The following ASAP1 variants were observed in gnomAD, a reference collection of about 807,000 sequenced individuals.
The protein encoded by ASAP1 is arf-GAP with SH3 domain, ANK repeat and PH domain-containing protein 1.
Under a neutral mutation model 145.2 loss-of-function variants are expected in ASAP1, and 43 were observed. The observed-to-expected ratio is 0.30, with a 90% confidence interval of 0.23 to 0.38. The LOEUF (loss-of-function observed/expected upper bound fraction) is 0.38, where lower values mean the gene tolerates loss of function less well. Among genes scored for constraint, ASAP1 ranks in the 10% least tolerant of loss-of-function variants. The pLI is 1.00. For missense variants in ASAP1, 1,018 were observed against 1,355.3 expected (o/e 0.75, Z 3.91); for synonymous variants, 546 against 515.5 (o/e 1.06, Z -0.80).
intron 1 of ASAP1, among the ~76,000 whole-genome samples, chr8:130,434,113 C>G (rs186701168): frequency 6.6e-6 from 1 of 152,134 alleles, no homozygotes; most frequent in African/African-American, 2.4e-5. Flanking sequence ...TCCAGGAGTT[C>G]GAGACCAACT....
chr8:130,280,670 G>C (rs189484977), intron 3 of ASAP1, among the ~76,000 whole-genome samples: 2 of 152,218 alleles, frequency 1.3e-5, no homozygotes. Context: ...CTATTAGAGA[G>C]TGAAAATTTG....
intron 11 of ASAP1, among the ~76,000 whole-genome samples, chr8:130,165,354 C>A (rs780504188): frequency 1.1e-3 from 165 of 152,090 alleles, no homozygotes; most frequent in Admixed American, 5.1e-3. Flanking sequence ...AACAAAAAAA[C>A]CCCAAAAAAC....
intron 1 of ASAP1, among the ~76,000 whole-genome samples, chr8:130,435,806 A>G (rs1035769575): frequency 6.6e-6 from 1 of 152,230 alleles, no homozygotes; most frequent in Non-Finnish European, 1.5e-5. Flanking sequence ...TAAGGAAAAA[A>G]GGCTTCCGTG....
At chr8:130,420,260 AC>A (rs1406576700) in intron 1 of ASAP1, among the ~76,000 whole-genome samples, 1 of 150,690 alleles carries the variant, frequency 6.6e-6, no homozygotes, top group Non-Finnish European at 1.5e-5. Context: ...ACACACACAC[AC>A]ACACACACAC....
intron 3 of ASAP1, among the ~76,000 whole-genome samples, chr8:130,263,602 A>C (rs896501312): frequency 3.9e-5 from 6 of 152,162 alleles, no homozygotes; most frequent in African/African-American, 1.2e-4. Flanking sequence ...AGGGAGCCTA[A>C]CTGAAATGGT....
intron 4 of ASAP1, 95 bp from the exon 5 acceptor site, chr8:130,214,796 G>T: frequency 9.1e-7 from 1 of 1,093,220 alleles, no homozygotes. Context: ...TCTCAAAATG[G>T]AAGCATAAAC....
chr8:130,056,327 T>C (rs1045731727), intron 29 of ASAP1, among the ~76,000 whole-genome samples: 1 of 152,212 alleles, frequency 6.6e-6, no homozygotes, highest in African/African-American at 2.4e-5. Flanking sequence ...CTGGCCCCAC[T>C]CTGCTGACAG....
intron 2 of ASAP1, among the ~76,000 whole-genome samples, chr8:130,393,753 G>C (rs1176468649): frequency 6.6e-6 from 1 of 152,126 alleles, no homozygotes; most frequent in Non-Finnish European, 1.5e-5. Flanking sequence ...GAGACTCTGT[G>C]TTGCGGGAAG....
intron 3 of ASAP1, among the ~76,000 whole-genome samples, chr8:130,335,670 T>C (rs1824987669): frequency 6.6e-6 from 1 of 152,198 alleles, no homozygotes; most frequent in African/African-American, 2.4e-5. Flanking sequence ...TTTCAACAGT[T>C]GATCAAGAGT....
chr8:130,287,335 A>G (rs370233968), intron 3 of ASAP1, among the ~76,000 whole-genome samples: 1 of 152,208 alleles, frequency 6.6e-6, no homozygotes, highest in African/African-American at 2.4e-5. Context: ...GTTACTTCAG[A>G]TTAGGAAGAG....
rs573386035 is a variant in ASAP1, at chr8:130,272,621, T to C, written c.187-35627A>G. Among the ~76,000 whole-genome samples, 6 of 152,232 alleles carry C rather than the reference T, an allele frequency of 3.9e-5. No homozygotes were observed. The South Asian group carries it at 8.3e-4, about 21-fold the overall frequency. On this transcript the variant is annotated intron_variant, in intron 3 of 29. Transcript: ENST00000518721. ...ACCTATGTGTCCATCAACAGATAAA[T>C]GGATAAAGAAGATGTAGTATATATA...
chr8:130,316,077 A>G (rs1005251563), intron 3 of ASAP1, among the ~76,000 whole-genome samples: 1 of 152,082 alleles, frequency 6.6e-6, no homozygotes, highest in African/African-American at 2.4e-5. Flanking sequence ...CTTAAAAGGT[A>G]TTCCCTTTCC....
chr8:130,151,368 C>G (rs1177338809), intron 13 of ASAP1, among the ~76,000 whole-genome samples: 1 of 39,432 alleles, frequency 2.5e-5, no homozygotes, highest in Non-Finnish European at 4.1e-5. Context: ...GAGACTCAGT[C>G]TCAAAAAAAA....
chr8:130,158,639 A>T (rs908799306), intron 12 of ASAP1, among the ~76,000 whole-genome samples: 1 of 152,174 alleles, frequency 6.6e-6, no homozygotes, highest in Non-Finnish European at 1.5e-5. Flanking sequence ...CAGGGGAGAA[A>T]ATGGAACAAG....
intron 2 of ASAP1, among the ~76,000 whole-genome samples, chr8:130,366,099 A>G (rs1052472422): frequency 6.6e-6 from 1 of 152,212 alleles, no homozygotes; most frequent in Admixed American, 6.5e-5. Flanking sequence ...AATGCCAAGT[A>G]TCCTGGTTCC....
chr8:130,108,757 GTTTTTTTTTTTTTTTTTTTTTT>G (rs10568607), intron 24 of ASAP1, among the ~76,000 whole-genome samples: 4 of 51,526 alleles, frequency 7.8e-5, no homozygotes, highest in Admixed American at 6.9e-4. Context: ...TCAAAAACCA[GTTTTTTTTTTTTTTTTTTTTTT>G]TTTTTTTTTT....
intron 3 of ASAP1, among the ~76,000 whole-genome samples, chr8:130,279,232 C>A (rs148375548): frequency 6.6e-6 from 1 of 152,090 alleles, no homozygotes; most frequent in East Asian, 1.9e-4. Flanking sequence ...TAAAAGTACA[C>A]GGGGGAGGCA....
chr8:130,413,448 A>G (rs1390318181), intron 1 of ASAP1, among the ~76,000 whole-genome samples: 3 of 152,236 alleles, frequency 2.0e-5, no homozygotes, highest in Admixed American at 2.0e-4. Flanking sequence ...TCCTATCAAT[A>G]AAATATAATG....
At chr8:130,194,671 GCA>G (rs1815362411) in intron 5 of ASAP1, among the ~76,000 whole-genome samples, 1 of 152,018 alleles carries the variant, frequency 6.6e-6, no homozygotes, top group Non-Finnish European at 1.5e-5. Context: ...AGATCACCAG[GCA>G]TTAGATTCTC....
Sources: allele counts gnomAD v4.1 joint callset (sites outside exome capture counted in the v4.1 genomes callset), GRCh38; gene constraint gnomAD v4.1.1; transcripts MANE v1.5; gene names NCBI Gene and HGNC (gene_info 2026-07-23, HGNC 2026-07-21).